The following DPYSL3 variants were observed in gnomAD, a reference collection of about 807,000 sequenced individuals.
The protein encoded by DPYSL3 is dihydropyrimidinase like 3, also known as dihydropyrimidinase-related protein 3.
A neutral mutation model predicts 66.1 loss-of-function variants in DPYSL3; 16 were observed. The ratio of observed to expected loss-of-function variants is 0.24; its 90% CI spans 0.16 to 0.37. The LOEUF (loss-of-function observed/expected upper bound fraction) is 0.37, where lower values mean the gene tolerates loss of function less well. Among genes scored for constraint, DPYSL3 ranks in the 10% least tolerant of loss-of-function variants. The pLI, the probability that DPYSL3 is intolerant of heterozygous loss-of-function variation, is 1.00. For missense variants in DPYSL3, 738 were observed against 916.2 expected (o/e 0.81, Z 2.51); for synonymous variants, 338 against 345.1 (o/e 0.98, Z 0.23).
chr5:147,407,441 T>C (rs1422351458), intron 7 of DPYSL3, among the ~76,000 whole-genome samples: 1 of 152,186 alleles, frequency 6.6e-6, no homozygotes, highest in Non-Finnish European at 1.5e-5. Context: ...ATCCCCTGGC[T>C]GCTGCTGGAA....
chr5:147,446,249 G>C (rs1752627610), intron 1 of DPYSL3, among the ~76,000 whole-genome samples: 2 of 152,132 alleles, frequency 1.3e-5, no homozygotes, highest in South Asian at 4.2e-4. Flanking sequence ...GGATAATAAG[G>C]GTTTGCCCAA....
intron 1 of DPYSL3, among the ~76,000 whole-genome samples, chr5:147,450,964 A>T (rs1344786911): frequency 2.6e-5 from 4 of 152,176 alleles, no homozygotes; most frequent in Non-Finnish European, 5.9e-5. Context: ...TTATACTTAG[A>T]TCTTTAATCA....
intron 1 of DPYSL3, among the ~76,000 whole-genome samples, chr5:147,472,365 G>T (rs1277428924): frequency 6.6e-6 from 1 of 152,256 alleles, no homozygotes; most frequent in East Asian, 1.9e-4. Flanking sequence ...AGTGAAAGAA[G>T]AAAAAGAAAA....
At chr5:147,462,404 G>A (rs1260007497) in intron 1 of DPYSL3, among the ~76,000 whole-genome samples, 1 of 152,068 alleles carries the variant, frequency 6.6e-6, no homozygotes, top group African/African-American at 2.4e-5. Context: ...ATGAAAATAT[G>A]ACTAGATGAG....
At chr5:147,436,937 T>C (rs1752423628) in intron 1 of DPYSL3, among the ~76,000 whole-genome samples, 1 of 152,172 alleles carries the variant, frequency 6.6e-6, no homozygotes, top group African/African-American at 2.4e-5. Context: ...CATACAGCAA[T>C]GTAGCAGGTC....
rs1751878449 is a variant in DPYSL3, at chr5:147,412,658, G to C, written c.913C>G (p.Leu305Val). ...LYEIFTCLGE[L>V]GAIAQVHAEN... ...GCATGAACTTGAGCAATGGCCCCCA[G>C]CTCTCCCAGGCAGGTGAAGATCTCA... The change falls in exon 6 of 14, where the codon CTG (leucine) becomes GTG (valine). Residue 305 changes from leucine (L) to valine (V), a missense_variant. Physicochemically the swap from Leu to Val is conservative, Grantham distance 32 (BLOSUM62 1). Coordinates refer to ENST00000343218, the MANE Select transcript of DPYSL3 (RefSeq NM_001197294.2). The C allele has an allele frequency of 6.2e-6, 10 of 1,612,734 alleles. No individual in the cohort carries two copies. The highest frequency in any genetic ancestry group is 8.5e-6 in the Non-Finnish European group (10 of 1,179,484).
At chr5:147,406,045 T>C (rs1758318342) in intron 7 of DPYSL3, 1 of 193,416 alleles carries the variant, frequency 5.2e-6, no homozygotes, top group African/African-American at 2.3e-5. Context: ...GACATCTGAA[T>C]GAAAGCCTTT....
At chr5:147,431,304 C>T (rs1752310627) in intron 1 of DPYSL3, among the ~76,000 whole-genome samples, 1 of 152,088 alleles carries the variant, frequency 6.6e-6, no homozygotes, top group Non-Finnish European at 1.5e-5. Context: ...CATCCTGGCT[C>T]TGTTATTAAA....
intron 10 of DPYSL3, 51 bp downstream of exon 10, chr5:147,400,641 G>A: frequency 6.3e-7 from 1 of 1,598,850 alleles, no homozygotes; most frequent in Non-Finnish European, 8.5e-7. Context: ...TTCTGATCTG[G>A]CCCATGGATG....
intron 1 of DPYSL3, among the ~76,000 whole-genome samples, chr5:147,460,076 A>G (rs1489109255): frequency 2.0e-5 from 3 of 151,710 alleles, no homozygotes; most frequent in Admixed American, 1.3e-4. Flanking sequence ...GAGCCACTGC[A>G]CTCCAGCCTG....
In DPYSL3 at chr5:147,413,577, A is replaced by T. The variant is rs1242604172; in HGVS notation, c.882+19T>A. On this transcript the variant is annotated intron_variant, in intron 5 of 13. Coordinates refer to ENST00000343218, the MANE Select transcript of DPYSL3 (RefSeq NM_001197294.2). ...AACCCATCCAGATACCCCAAACCACATAGCAAATGGGTTGTTACCTCTGTG... is the reference window on the plus strand; with the variant it reads ...AACCCATCCAGATACCCCAAACCACTTAGCAAATGGGTTGTTACCTCTGTG... The T allele has an allele frequency of 5.0e-6, 8 of 1,604,390 alleles. No homozygotes were observed. The East Asian group carries it at 8.9e-5, about 18-fold the overall frequency.
At chr5:147,476,197 T>G (rs1011234398) in intron 1 of DPYSL3, among the ~76,000 whole-genome samples, 1 of 152,170 alleles carries the variant, frequency 6.6e-6, no homozygotes, top group Admixed American at 6.5e-5. Context: ...TGAATTAACT[T>G]ATAATTTTAA....
At chr5:147,488,112 G>T (rs1753362947) in intron 1 of DPYSL3, among the ~76,000 whole-genome samples, 1 of 152,194 alleles carries the variant, frequency 6.6e-6, no homozygotes, top group Non-Finnish European at 1.5e-5. Context: ...GTGGCAGGAT[G>T]TGGGAATAGT....
chr5:147,476,433 G>A (rs1753156991), intron 1 of DPYSL3, among the ~76,000 whole-genome samples: 1 of 152,122 alleles, frequency 6.6e-6, no homozygotes, highest in African/African-American at 2.4e-5. Flanking sequence ...TGCATATTTA[G>A]GAGTAAAAAC....
At chr5:147,470,903 G>A (rs946305301) in intron 1 of DPYSL3, among the ~76,000 whole-genome samples, 11 of 151,976 alleles carry the variant, frequency 7.2e-5, no homozygotes, top group African/African-American at 2.7e-4. Flanking sequence ...GCTGACCTCG[G>A]TCCTCCACCT....
intron 1 of DPYSL3, among the ~76,000 whole-genome samples, chr5:147,465,802 A>T (rs1398671188): frequency 6.6e-6 from 1 of 152,222 alleles, no homozygotes; most frequent in Non-Finnish European, 1.5e-5. Context: ...CTATAAGGTC[A>T]TATAAGGTCT....
In DPYSL3 at chr5:147,509,484, C is replaced by T. The variant is rs549924910; in HGVS notation, c.375G>A (p.Lys125=). ...TGACCCGGGGCCCCCTTACCTTGTC[C>T]TTGGGGCCGAGGTTCTGCAACACCT... ...GKEVLQNLGP[K]DKSDRLLIKG... Residue 125 remains lysine (K), a synonymous_variant, in exon 1 of 14, where the codon AAG becomes AAA. Coordinates refer to ENST00000343218, the MANE Select transcript of DPYSL3 (RefSeq NM_001197294.2). This position sits in a 1 kb window ranked among gnomAD's most constrained non-coding sequence, Gnocchi z 5.3. 4.5e-5 allele frequency: 68 copies of T among 1,521,374 alleles called. No individual in the cohort carries two copies. The South Asian group carries it at 7.6e-4, about 17-fold the overall frequency. 94.2% of individuals were successfully genotyped at this position (1,521,374 alleles called of 1,614,324 possible).
At chr5:147,425,538 G>C (rs540073831) in intron 1 of DPYSL3, among the ~76,000 whole-genome samples, 1 of 152,182 alleles carries the variant, frequency 6.6e-6, no homozygotes, top group Non-Finnish European at 1.5e-5. Flanking sequence ...AGGGGAAAAG[G>C]CAAAGTATCT....
intron 1 of DPYSL3, chr5:147,453,983 C>CA: frequency 6.1e-6 from 1 of 164,018 alleles, no homozygotes; most frequent in Non-Finnish European, 1.3e-5. Flanking sequence ...CTTTTTCTTT[C>CA]TTTTTTTTTT....
Sources: gnomAD v4.1 joint callset for allele counts (sites outside exome capture counted in the v4.1 genomes callset) on GRCh38, gnomAD v4.1.1 for gene constraint, Gnocchi (gnomAD v3.1) non-coding constraint, MANE v1.5 for transcripts, NCBI Gene and HGNC (gene_info 2026-07-23, HGNC 2026-07-21) for gene names.